Variants in RGS5 observed in about 807,000 individuals in gnomAD.
The protein encoded by RGS5 is regulator of G protein signaling 5, also known as regulator of G-protein signalling 5.
Under a neutral mutation model 18.9 loss-of-function variants are expected in RGS5, and 20 were observed. The ratio of observed to expected loss-of-function variants is 1.06; its 90% CI spans 0.74 to 1.54. RGS5 has a LOEUF of 1.54. Among genes scored for constraint, RGS5 ranks in the 40% most tolerant of loss-of-function variants. The pLI is 0.00. For synonymous variants in RGS5, 57 were observed against 76.2 expected (o/e 0.75, Z 1.31); for missense variants, 201 against 211.8 (o/e 0.95, Z 0.32).
chr1:163,259,137 T>G (rs1444045971), intron 2 of RGS5, among the ~76,000 whole-genome samples: 1 of 151,014 alleles, frequency 6.6e-6, no homozygotes, highest in Non-Finnish European at 1.5e-5. Context: ...AGTTAAAAGA[T>G]AAAATAAGAC....
chr1:163,211,388 T>C (rs1032842326), intron 1 of RGS5: 1 of 152,010 alleles, frequency 6.6e-6, no homozygotes, highest in Non-Finnish European at 1.5e-5. Context: ...ATGAATAAAA[T>C]GATGATTCTA....
chr1:163,244,497 T>C (rs1571315222), intron 2 of RGS5: 2 of 152,300 alleles, frequency 1.3e-5, no homozygotes, highest in East Asian at 3.9e-4. Flanking sequence ...GAAAACAAGC[T>C]ACAAGGATTA....
chr1:163,188,150 T>A (rs927303480), intron 1 of RGS5, among the ~76,000 whole-genome samples: 2 of 152,104 alleles, frequency 1.3e-5, no homozygotes, highest in African/African-American at 4.8e-5. Context: ...GCCAGAGTTA[T>A]CAATGGAGTT....
intron 1 of RGS5, among the ~76,000 whole-genome samples, chr1:163,209,846 T>C (rs1448582720): frequency 1.3e-5 from 2 of 152,196 alleles, no homozygotes; most frequent in Admixed American, 6.5e-5. Context: ...ATTTTCTTTA[T>C]GTTATCTAAT....
chr1:163,147,566 G>A (rs1002219511), intron 4 of RGS5, 63 bp from the exon 5 acceptor site: 4 of 1,354,044 alleles, frequency 3.0e-6, no homozygotes, highest in African/African-American at 3.0e-5. Flanking sequence ...GAGGGGTGAA[G>A]AGGGAGGTGG....
chr1:163,162,005 G>A (rs1657819897), intron 2 of RGS5, 29 bp from the exon 3 acceptor site: 1 of 1,563,328 alleles, frequency 6.4e-7, no homozygotes, highest in Non-Finnish European at 8.8e-7. Flanking sequence ...GAGAAAAGGG[G>A]TATGGCGTAA....
chr1:163,289,948 T>C (rs902234528), intron 2 of RGS5, among the ~76,000 whole-genome samples: 2 of 152,162 alleles, frequency 1.3e-5, no homozygotes, highest in African/African-American at 4.8e-5. Context: ...GCTATGCCAA[T>C]AGAAAAGGGA....
At chr1:163,179,487 T>C (rs2102413667) in intron 1 of RGS5, among the ~76,000 whole-genome samples, 1 of 152,210 alleles carries the variant, frequency 6.6e-6, no homozygotes, top group Middle Eastern at 3.4e-3. Flanking sequence ...GTCCAGATTA[T>C]TAACAGAAAA....
chr1:163,155,232 C>CA (rs1252961359), intron 3 of RGS5, among the ~76,000 whole-genome samples: 1 of 152,088 alleles, frequency 6.6e-6, no homozygotes, highest in Non-Finnish European at 1.5e-5. Flanking sequence ...AGCATAGGGA[C>CA]AAAATCTCAG....
chr1:163,310,117 G>A (rs1649813741), intron 1 of RGS5, among the ~76,000 whole-genome samples: 1 of 152,184 alleles, frequency 6.6e-6, no homozygotes, highest in African/African-American at 2.4e-5. Context: ...TTGTTCCATT[G>A]ACAGAGTAGA....
In RGS5 at chr1:163,217,192, T is replaced by G. The variant is rs1660239003; in HGVS notation, c.69+334A>C. Reference sequence around the variant, plus strand: ...TACAACAAACCTCCATGACACAAGTTTACCTGTATCACAAACCTGCACATG... The same window carrying G: ...TACAACAAACCTCCATGACACAAGTGTACCTGTATCACAAACCTGCACATG... On this transcript the variant is annotated intron_variant, in intron 1 of 5. Coordinates refer to the RGS5 transcript ENST00000367903. Among the ~76,000 whole-genome samples, 3 of 152,106 alleles carry G rather than the reference T, an allele frequency of 2.0e-5. No homozygotes were observed. The South Asian group carries it at 6.2e-4, about 32-fold the overall frequency.
At chr1:163,251,150 C>T (rs1163067640) in intron 2 of RGS5, among the ~76,000 whole-genome samples, 1 of 152,024 alleles carries the variant, frequency 6.6e-6, no homozygotes, top group Admixed American at 6.6e-5. Context: ...CAATGCAAAC[C>T]TATACGAGAT....
intron 2 of RGS5, among the ~76,000 whole-genome samples, chr1:163,228,475 C>T (rs1445010680): frequency 2.6e-5 from 4 of 152,160 alleles, no homozygotes; most frequent in African/African-American, 9.6e-5. Context: ...CTGCACACAG[C>T]AAGGGGGCCC....
chr1:163,289,088 C>T (rs1218809133), intron 2 of RGS5, among the ~76,000 whole-genome samples: 1 of 152,072 alleles, frequency 6.6e-6, no homozygotes, highest in Non-Finnish European at 1.5e-5. Context: ...AATAAATTCA[C>T]ATTTATATTC....
chr1:163,190,281 T>C (rs558197984), intron 1 of RGS5, among the ~76,000 whole-genome samples: 1 of 152,318 alleles, frequency 6.6e-6, no homozygotes, highest in African/African-American at 2.4e-5. Flanking sequence ...ATGAGGATTT[T>C]GGACTAGAGA....
chr1:163,266,428 T>C (rs1648574731), intron 2 of RGS5: 1 of 152,178 alleles, frequency 6.6e-6, no homozygotes, highest in Admixed American at 6.6e-5. Context: ...ATAAGAATGA[T>C]GTTTCTAAAA....
chr1:163,143,017 T>TAAGTTTCCATTCAAAGCC lies in RGS5; in HGVS notation c.*4307_*4324dup, dbSNP rs1656984727. The TAAGTTTCCATTCAAAGCC allele has an allele frequency of 6.6e-6, 1 of 152,232 alleles. No homozygotes were observed. The highest frequency in any genetic ancestry group is 2.4e-5 in the African/African-American group (1 of 41,472). 9.4% of individuals were successfully genotyped at this position (152,232 alleles called of 1,614,324 possible). On this transcript the variant is annotated 3_prime_UTR_variant, in exon 5 of 5. Transcript: ENST00000313961. ...TGCCGTGGCCTGTGACTCTCTGCTG[T>TAAGTTTCCATTCAAAGCC]AAGTTTCCATTCAAAGCCAGGAGTC...
chr1:163,280,161 A>G (rs954574981), intron 2 of RGS5, among the ~76,000 whole-genome samples: 2 of 151,536 alleles, frequency 1.3e-5, no homozygotes, highest in African/African-American at 4.9e-5. Context: ...TCATTTTAGG[A>G]GGCCAGCATT....
chr1:163,302,985 G>A (rs1649591244), intron 2 of RGS5, among the ~76,000 whole-genome samples: 1 of 152,094 alleles, frequency 6.6e-6, no homozygotes, highest in South Asian at 2.1e-4. Context: ...CCTCTAGACT[G>A]AGTGAAGGAT....
Sources: gnomAD v4.1 joint callset for allele counts (sites outside exome capture counted in the v4.1 genomes callset) on GRCh38, gnomAD v4.1.1 for gene constraint, MANE v1.5 for transcripts, NCBI Gene and HGNC (gene_info 2026-07-23, HGNC 2026-07-21) for gene names.